The following ZNF468 variants were observed in gnomAD, a reference collection of about 807,000 sequenced individuals.
ZNF468 encodes the protein zinc finger protein 468, also known as zinc finger protein ZNF468.
In ZNF468, 8 loss-of-function variants were observed where a neutral mutation model predicts 7.2. The observed-to-expected ratio is 1.11, with a 90% CI of 0.65 to 2.01. ZNF468 has a LOEUF of 2.01. ZNF468 is among the 30% of genes most tolerant of loss of function. The pLI, the probability that ZNF468 is intolerant of heterozygous loss-of-function variation, is 0.00. For missense variants in ZNF468, 608 were observed against 626.5 expected, an observed-to-expected ratio of 0.97 and a Z score of 0.31; for synonymous variants, 218 against 214.4, an observed-to-expected ratio of 1.02 and a Z score of -0.15.
intron 1 of ZNF468, among the ~76,000 whole-genome samples, chr19:52,854,920 G>C (rs181594498): frequency 6.7e-4 from 102 of 152,230 alleles, no homozygotes; most frequent in African/African-American, 2.3e-3. Flanking sequence ...TACTCGGGAG[G>C]CTGAGGTAGG....
At chr19:52,850,665 C>T (rs574675779) in intron 2 of ZNF468, among the ~76,000 whole-genome samples, 37 of 151,646 alleles carry the variant, frequency 2.4e-4, no homozygotes, top group African/African-American at 3.4e-4. Flanking sequence ...TTTGGGAGGC[C>T]GAGGTGGGCG....
At chr19:52,844,075 A>T (rs1207575812) in intron 3 of ZNF468, among the ~76,000 whole-genome samples, 1 of 152,174 alleles carries the variant, frequency 6.6e-6, no homozygotes, top group Non-Finnish European at 1.5e-5. Flanking sequence ...AGACGAGATC[A>T]TGCCACTGCA....
chr19:52,841,737 G>T lies in ZNF468; in HGVS notation c.557C>A (p.Thr186Asn). ...ATTTCCATACTTATTAGAAATATGGGTTTTGGGCCTACAACAAATTCTTTG... is the reference window on the plus strand; with the variant it reads ...ATTTCCATACTTATTAGAAATATGGTTTTTGGGCCTACAACAAATTCTTTG... ...TSQRICCRPK[T>N]HISNKYGNNS... The change falls in exon 4 of 4, where the codon ACC becomes AAC. Residue 186 changes from threonine to asparagine, a missense_variant. Physicochemically the swap from Thr to Asn is moderately conservative, Grantham distance 65 (BLOSUM62 0). Coordinates refer to ENST00000595646, the MANE Select transcript of ZNF468 (RefSeq NM_001008801.2). The T allele has an allele frequency of 6.2e-7, 1 of 1,614,076 alleles. No individual in the cohort carries two copies. Among genetic ancestry groups the T allele is most frequent in the Non-Finnish European group, 8.5e-7 (1 of 1,180,012 alleles).
chr19:52,849,462 A>G (rs2063366766), intron 2 of ZNF468: 1 of 801,862 alleles, frequency 1.2e-6, no homozygotes, highest in South Asian at 2.1e-5. Flanking sequence ...AAACAAATAA[A>G]AAATCAATGT....
intron 2 of ZNF468, among the ~76,000 whole-genome samples, chr19:52,852,983 T>C (rs1185402960): frequency 6.6e-6 from 1 of 151,654 alleles, no homozygotes; most frequent in Non-Finnish European, 1.5e-5. Flanking sequence ...GCCTCCCAAG[T>C]AGCTGGGACT....
intron 1 of ZNF468, among the ~76,000 whole-genome samples, chr19:52,857,256 G>A (rs1384193462): frequency 6.6e-6 from 1 of 152,138 alleles, no homozygotes; most frequent in Non-Finnish European, 1.5e-5. Flanking sequence ...GCACAGGGTG[G>A]GAATACACCT....
rs2063266372 is a variant in ZNF468, at chr19:52,838,477, A to G, written c.*2248T>C. Reference sequence around the variant, plus strand: ...CTCTCACCCCTTCTATTCAATCAATACTGGCTGTCCTAGCCAGAACAATGA... The same window carrying G: ...CTCTCACCCCTTCTATTCAATCAATGCTGGCTGTCCTAGCCAGAACAATGA... On this transcript the variant is annotated 3_prime_UTR_variant, in exon 4 of 4. Transcript: ENST00000595646. The G allele has an allele frequency of 6.6e-6, 1 of 152,148 alleles. No homozygotes were observed. The highest frequency in any genetic ancestry group is 6.5e-5 in the Admixed American group (1 of 15,274). The allele number at this position is 152,148 out of a possible 1,614,324, so 9.4% of individuals were successfully genotyped here. A position where few individuals can be genotyped will look rare whatever the true frequency, so the allele number is the denominator to read the frequency against.
At chr19:52,847,429 G>T (rs896972065) in intron 3 of ZNF468, among the ~76,000 whole-genome samples, 3 of 145,494 alleles carry the variant, frequency 2.1e-5, no homozygotes, top group Non-Finnish European at 3.0e-5. Flanking sequence ...ATGGCCTCAT[G>T]GGAAAGGAAA....
In ZNF468 at chr19:52,841,433, G is replaced by T. The variant is rs758863340; in HGVS notation, c.861C>A (p.Phe287Leu). 2 of 1,613,480 alleles carry T rather than the reference G, an allele frequency of 1.2e-6. No homozygotes were observed. Among genetic ancestry groups the T allele is most frequent in the Non-Finnish European group, 1.7e-6 (2 of 1,179,778 alleles). Residue 287 changes from phenylalanine to leucine, a missense_variant, in exon 4 of 4, where the codon TTC becomes TTA. Phe to Leu is a conservative substitution (Grantham distance 22, BLOSUM62 0). Transcript: ENST00000595646. Reference sequence around the variant, plus strand: ...CTCCAGTATGAAGCGCTTTGTGAATGAAGAGGGATGAATTATGACCAAAGG... The same window carrying T: ...CTCCAGTATGAAGCGCTTTGTGAATTAAGAGGGATGAATTATGACCAAAGG... ...GKTFGHNSSL[F>L]IHKALHTGEK...
rs1260396024 is a variant in ZNF468 at position 52,840,389 on chromosome 19, AAT to A, written c.*334_*335del. The A allele has an allele frequency of 1.4e-4, 72 of 528,518 alleles. No homozygotes were observed. The highest frequency in any genetic ancestry group is 1.0e-3 in the Middle Eastern group (3 of 2,896). 32.7% of individuals were successfully genotyped at this position (528,518 alleles called of 1,614,324 possible). On this transcript the variant is annotated 3_prime_UTR_variant, in exon 4 of 4. Coordinates refer to ENST00000595646, the MANE Select transcript of ZNF468 (RefSeq NM_001008801.2). ...GTCTTGCCACACTCATTACACTTATAATGAGTTTCTCTCCAGTGTGAATTCTA... is the reference window on the plus strand; with the variant it reads ...GTCTTGCCACACTCATTACACTTATAGAGTTTCTCTCCAGTGTGAATTCTA...
At chr19:52,842,227 GA>G (rs142157651) in intron 3 of ZNF468, 76 bp from the exon 4 acceptor site, 210,850 of 1,237,080 alleles carry the variant, frequency 0.17, 20,903 homozygotes, top group South Asian at 0.34. Flanking sequence ...AAATATCACA[GA>G]AAAAAAACAA....
intron 1 of ZNF468, among the ~76,000 whole-genome samples, chr19:52,854,889 G>A (rs1419569212): frequency 6.6e-6 from 1 of 152,074 alleles, no homozygotes; most frequent in Non-Finnish European, 1.5e-5. Flanking sequence ...GCCGAGATTG[G>A]TGGGTATCTC....
chr19:52,850,530 G>A (rs2063378349), intron 2 of ZNF468, among the ~76,000 whole-genome samples: 1 of 152,080 alleles, frequency 6.6e-6, no homozygotes, highest in African/African-American at 2.4e-5. Context: ...ATATTTACTG[G>A]GACACAAAGA....
At chr19:52,848,785 T>C (rs1358875466) in intron 3 of ZNF468, among the ~76,000 whole-genome samples, 1 of 152,054 alleles carries the variant, frequency 6.6e-6, no homozygotes, top group Admixed American at 6.6e-5. Context: ...TCCTCACCCA[T>C]AGTGATCCAC....
intron 3 of ZNF468, among the ~76,000 whole-genome samples, chr19:52,843,703 C>T (rs2063322797): frequency 6.6e-6 from 1 of 152,124 alleles, no homozygotes; most frequent in Admixed American, 6.5e-5. Context: ...AAACAATTCC[C>T]TCTTAAGAAA....
chr19:52,840,077 C>A lies in ZNF468; in HGVS notation c.*648G>T. On this transcript the variant is annotated 3_prime_UTR_variant, in exon 4 of 4. Transcript: ENST00000595646. ...GTGTGAATTCTAGTATGGGGTGCCA[C>A]GTGTGAATCATTCCCGAAAGCCTTG... The A allele has an allele frequency of 1.0e-6, 1 of 963,012 alleles. No homozygotes were observed. Among genetic ancestry groups the A allele is most frequent in the Non-Finnish European group, 1.4e-6 (1 of 690,680 alleles). The allele number at this position is 963,012 out of a possible 1,614,324, so 59.7% of individuals were successfully genotyped here. A position where few individuals can be genotyped will look rare whatever the true frequency, so the allele number is the denominator to read the frequency against.
rs954979505 is a variant in ZNF468, at chr19:52,838,516, A to G, written c.*2209T>C. On this transcript the variant is annotated 3_prime_UTR_variant, in exon 4 of 4. Coordinates refer to ENST00000595646, the MANE Select transcript of ZNF468 (RefSeq NM_001008801.2). ...CCAGAACAATGAAATAGCAAAAGAA[A>G]TCAAACTCATCCAAATCAGAAAGAA... The G allele has an allele frequency of 1.3e-5, 2 of 152,156 alleles. No homozygotes were observed. The highest frequency in any genetic ancestry group is 2.9e-5 in the Non-Finnish European group (2 of 68,036). 9.4% of individuals were successfully genotyped at this position (152,156 alleles called of 1,614,324 possible). A position where few individuals can be genotyped will look rare whatever the true frequency, so the allele number is the denominator to read the frequency against.
At position 52,841,091 on chromosome 19, in the gene ZNF468, A is replaced by T; in HGVS notation, c.1203T>A (p.His401Gln). 6.2e-7 allele frequency: 1 copy of T among 1,613,512 alleles called. No individual in the cohort carries two copies. The highest frequency in any genetic ancestry group is 8.5e-7 in the Non-Finnish European group (1 of 1,179,838). ...GTTTCTCTCCACTATGAATCCTCCT[A>T]TGTCTTTCAAGGTGTGATTTGCGAC... ...VFSRKSHLER[H>Q]RRIHSGEKPY... Residue 401 changes from histidine to glutamine, a missense_variant, in exon 4 of 4, where the codon CAT becomes CAA. His to Gln is a conservative substitution (Grantham distance 24). Coordinates refer to ENST00000595646, the MANE Select transcript of ZNF468 (RefSeq NM_001008801.2).
At position 52,841,905 on chromosome 19, in the gene ZNF468, T is replaced by C. The variant is rs201629784; in HGVS notation, c.389A>G (p.His130Arg). The C allele has an allele frequency of 1.7e-5, 28 of 1,614,114 alleles. No homozygotes were observed. In the African/African-American group the frequency reaches 2.5e-4, roughly 15 times the overall value. The change falls in exon 4 of 4, where the codon CAT becomes CGT. Residue 130 changes from histidine (H) to arginine (R), a missense_variant. By Grantham distance (29) the His-to-Arg change is conservative (BLOSUM62 0). Coordinates refer to ENST00000595646, the MANE Select transcript of ZNF468 (RefSeq NM_001008801.2). ...AGSTGQHDQR[H>R]AGNKRIKDQL... ...ATCTTTAATACGCTTGTTTCCAGCA[T>C]GCCTTTGATCATGTTGGCCTGTACT...
Sources: gnomAD v4.1 joint callset for allele counts (sites outside exome capture counted in the v4.1 genomes callset) on GRCh38, gnomAD v4.1.1 for gene constraint, MANE v1.5 for transcripts, NCBI Gene and HGNC (gene_info 2026-07-23, HGNC 2026-07-21) for gene names.